LRMDA: variants seen among roughly 807,000 people sequenced by gnomAD.
The protein encoded by LRMDA is leucine rich melanocyte differentiation associated.
LRMDA carries 18 observed loss-of-function variants against 29.8 expected under a neutral mutation model. The ratio of observed to expected loss-of-function variants is 0.60; its 90% CI spans 0.42 to 0.90. The LOEUF is 0.90. Among genes scored for constraint, LRMDA ranks in the 40% least tolerant of loss-of-function variants. The probability of loss-of-function intolerance (pLI) is 0.00; values close to 1 mark genes in which losing one functional copy is unlikely to be tolerated. For missense variants in LRMDA, 273 were observed against 273.9 expected (o/e 1.00, Z 0.02); for synonymous variants, 125 against 109.4 (o/e 1.14, Z -0.89).
At chr10:75,783,005 T>A (rs1488900504) in intron 2 of LRMDA, 17 of 1,614,126 alleles carry the variant, frequency 1.1e-5, no homozygotes, top group Non-Finnish European at 1.4e-5. Flanking sequence ...TCAGCGGCAA[T>A]CATTCTTCAA....
chr10:76,489,883 G>A (rs2132334134), intron 6 of LRMDA, among the ~76,000 whole-genome samples: 2 of 151,802 alleles, frequency 1.3e-5, no homozygotes, highest in East Asian at 1.9e-4. Context: ...CTCTCCTGCT[G>A]CCCTGTGAAG....
In LRMDA at chr10:76,558,875, A is replaced by AAGTT. The variant is rs1402748549; in HGVS notation, c.*1589_*1592dup. 1 of 152,216 alleles carries AAGTT rather than the reference A, an allele frequency of 6.6e-6. No homozygotes were observed. The allele number at this position is 152,216 out of a possible 1,614,324, so 9.4% of individuals were successfully genotyped here. ...ACCTTTGTTAATCAGTTCTTTAGAC[A>AAGTT]AGTTAACATTAAAATCCTCAAAACC... is the stretch of plus-strand genomic sequence containing the variant. On this transcript the variant is annotated 3_prime_UTR_variant, in exon 7 of 7. Transcript: ENST00000611255.
At chr10:75,945,576 A>G (rs965105176) in intron 2 of LRMDA, among the ~76,000 whole-genome samples, 3 of 152,182 alleles carry the variant, frequency 2.0e-5, no homozygotes, top group African/African-American at 7.2e-5. Context: ...ACCCACATGT[A>G]GTAGTTTTTA....
intron 2 of LRMDA, among the ~76,000 whole-genome samples, chr10:75,492,798 T>C (rs565337043): frequency 1.1e-4 from 16 of 152,376 alleles, no homozygotes; most frequent in African/African-American, 3.4e-4. Flanking sequence ...AATGTGCATT[T>C]AATCAACTTT....
At chr10:75,752,050 T>A (rs957814924) in intron 2 of LRMDA, among the ~76,000 whole-genome samples, 1 of 150,934 alleles carries the variant, frequency 6.6e-6, no homozygotes, top group African/African-American at 2.4e-5. Context: ...TATATATATA[T>A]AAACAAAGAT....
At chr10:75,822,789 A>G (rs1051274260) in intron 2 of LRMDA, among the ~76,000 whole-genome samples, 3 of 152,096 alleles carry the variant, frequency 2.0e-5, no homozygotes, top group African/African-American at 7.2e-5. Flanking sequence ...TGCACTGGTG[A>G]GAGCTCAATG....
At chr10:75,887,371 T>C (rs1028531772) in intron 2 of LRMDA, among the ~76,000 whole-genome samples, 2 of 152,034 alleles carry the variant, frequency 1.3e-5, no homozygotes, top group Non-Finnish European at 2.9e-5. Context: ...TTTTTAGAAA[T>C]GTATCTATAG....
intron 2 of LRMDA, among the ~76,000 whole-genome samples, chr10:75,467,558 G>A (rs186836169): frequency 1.3e-3 from 205 of 152,268 alleles, no homozygotes; most frequent in African/African-American, 4.5e-3. Flanking sequence ...GTAGGAGAGG[G>A]AAACAAAGGG....
At chr10:75,453,948 G>A (rs1844487198) in intron 2 of LRMDA, among the ~76,000 whole-genome samples, 2 of 152,212 alleles carry the variant, frequency 1.3e-5, no homozygotes, top group African/African-American at 4.8e-5. Context: ...GTGAACTGAA[G>A]GCCCCAAAAC....
intron 6 of LRMDA, among the ~76,000 whole-genome samples, chr10:76,417,887 T>A (rs1336754693): frequency 6.6e-6 from 1 of 152,182 alleles, no homozygotes; most frequent in Non-Finnish European, 1.5e-5. Context: ...GGTCAGTAAT[T>A]ATTTTTTCAT....
chr10:76,112,469 C>T (rs1304365405), intron 5 of LRMDA, among the ~76,000 whole-genome samples: 1 of 152,238 alleles, frequency 6.6e-6, no homozygotes, highest in Non-Finnish European at 1.5e-5. Flanking sequence ...GCCTCTTGCA[C>T]GGATCCCCCA....
chr10:76,471,784 G>GC (rs1842620194), intron 6 of LRMDA, among the ~76,000 whole-genome samples: 2 of 151,628 alleles, frequency 1.3e-5, no homozygotes, highest in South Asian at 4.1e-4. Context: ...ACGAATAGCA[G>GC]AAAAAAATAG....
chr10:75,468,068 G>A (rs995370274), intron 2 of LRMDA, among the ~76,000 whole-genome samples: 10 of 151,740 alleles, frequency 6.6e-5, no homozygotes, highest in Non-Finnish European at 1.2e-4. Context: ...AATCTCCAAG[G>A]ATTATCTGCA....
intron 6 of LRMDA, among the ~76,000 whole-genome samples, chr10:76,542,595 A>T (rs1253171611): frequency 1.3e-5 from 2 of 152,178 alleles, no homozygotes; most frequent in African/African-American, 4.8e-5. Flanking sequence ...GCCCTTTGAG[A>T]TAATAAGGAA....
intron 4 of LRMDA, among the ~76,000 whole-genome samples, chr10:76,054,218 A>G (rs550997495): frequency 1.3e-5 from 2 of 152,088 alleles, no homozygotes; most frequent in Non-Finnish European, 2.9e-5. Flanking sequence ...AGATGGAACT[A>G]TTTGGGGCAA....
At chr10:75,551,011 G>T (rs1840135861) in intron 2 of LRMDA, among the ~76,000 whole-genome samples, 1 of 150,690 alleles carries the variant, frequency 6.6e-6, no homozygotes. Flanking sequence ...CTGATCATTG[G>T]TACTATCTTT....
intron 6 of LRMDA, among the ~76,000 whole-genome samples, chr10:76,340,536 A>AAG (rs1554869135): frequency 1.3e-4 from 19 of 149,904 alleles, no homozygotes; most frequent in South Asian, 6.3e-4. Flanking sequence ...AAAAAAAAAA[A>AAG]AGAGAGAGAG....
chr10:75,525,592 C>CTTTTTTTTTTTTTTTTT (rs11415547), intron 2 of LRMDA, among the ~76,000 whole-genome samples: 1 of 129,716 alleles, frequency 7.7e-6, no homozygotes, highest in Non-Finnish European at 1.6e-5. Context: ...TTCTTTCTTT[C>CTTTTTTTTTTTTTTTTT]TTTTTTTTTT....
intron 2 of LRMDA, among the ~76,000 whole-genome samples, chr10:75,591,386 C>G (rs1840722678): frequency 6.6e-6 from 1 of 152,202 alleles, no homozygotes; most frequent in Non-Finnish European, 1.5e-5. Context: ...TTTGTATCCT[C>G]ACGGTTGTAC....
Sources: allele counts gnomAD v4.1 joint callset (sites outside exome capture counted in the v4.1 genomes callset), GRCh38; gene constraint gnomAD v4.1.1; transcripts MANE v1.5; gene names NCBI Gene and HGNC (gene_info 2026-07-23, HGNC 2026-07-21).